Variants in ADAMTS17 observed in about 807,000 individuals in gnomAD.
ADAMTS17 encodes A disintegrin and metalloproteinase with thrombospondin motifs 17.
ADAMTS17 carries 113 observed loss-of-function variants against 141.5 expected under a neutral mutation model. The ratio of observed to expected loss-of-function variants is 0.80; its 90% CI spans 0.69 to 0.93. The LOEUF is 0.93. Ranked by LOEUF, ADAMTS17 falls within the 40% of genes least tolerant of loss-of-function variation. The pLI is 0.00. For synonymous variants in ADAMTS17, 768 were observed against 630.6 expected (o/e 1.22, Z -3.27); for missense variants, 1,659 against 1,517.9 (o/e 1.09, Z -1.54).
At chr15:100,033,403 A>C (rs1267783899) in intron 18 of ADAMTS17, among the ~76,000 whole-genome samples, 4 of 152,214 alleles carry the variant, frequency 2.6e-5, no homozygotes, top group African/African-American at 9.6e-5. Context: ...TTTTCCCAGT[A>C]CACAGGGATT....
chr15:100,019,592 G>A (rs1030720852), intron 18 of ADAMTS17, among the ~76,000 whole-genome samples: 12 of 152,182 alleles, frequency 7.9e-5, no homozygotes, highest in African/African-American at 2.9e-4. Flanking sequence ...CCACACCTGC[G>A]CTCCAGCCCA....
At chr15:100,046,016 G>A (rs923260976) in intron 18 of ADAMTS17, among the ~76,000 whole-genome samples, 5 of 152,130 alleles carry the variant, frequency 3.3e-5, no homozygotes, top group African/African-American at 1.2e-4. Context: ...GAGTAGCTGA[G>A]ACTACAGGCA....
intron 15 of ADAMTS17, among the ~76,000 whole-genome samples, chr15:100,073,654 A>G (rs2034150685): frequency 6.6e-6 from 1 of 151,470 alleles, no homozygotes; most frequent in South Asian, 2.1e-4. Context: ...TCAACAAACT[A>G]TCACAAGGAC....
At chr15:100,101,272 T>TTTTCC (rs112041886) in intron 14 of ADAMTS17, among the ~76,000 whole-genome samples, 59,406 of 151,038 alleles carry the variant, frequency 0.39, 14,358 homozygotes, top group African/African-American at 0.69. Context: ...TATGGCACCA[T>TTTTCC]TTTCTTCTTC....
At position 100,258,757 on chromosome 15, in the gene ADAMTS17, G is replaced by C. The variant is rs560027866; in HGVS notation, c.1031+2722C>G. ...TGTTTTACAGTAGCCATTGTAAAAAGTTTGAGGTATAGAAAAGAAGATTTT... is the reference window on the plus strand; with the variant it reads ...TGTTTTACAGTAGCCATTGTAAAAACTTTGAGGTATAGAAAAGAAGATTTT... On this transcript the variant is annotated intron_variant, in intron 6 of 21. Transcript: ENST00000268070. 2.9e-3 allele frequency among the ~76,000 whole-genome samples: 438 copies of C among 152,328 alleles called. 2 individuals carry two copies. The highest frequency in any genetic ancestry group is 9.7e-3 in the African/African-American group (402 of 41,572).
chr15:100,253,282 G>C (rs1336037399), intron 7 of ADAMTS17, among the ~76,000 whole-genome samples: 2 of 146,418 alleles, frequency 1.4e-5, no homozygotes, highest in South Asian at 2.3e-4. Flanking sequence ...AAATCCATGA[G>C]AACTCAAGAG....
At chr15:100,286,638 C>CCTAA (rs1418278215) in intron 3 of ADAMTS17, among the ~76,000 whole-genome samples, 1 of 151,854 alleles carries the variant, frequency 6.6e-6, no homozygotes, top group Non-Finnish European at 1.5e-5. Context: ...CAATCAAATG[C>CCTAA]CTAAGGGCAT....
chr15:100,102,257 AG>A (rs1336506120), intron 14 of ADAMTS17, among the ~76,000 whole-genome samples: 1 of 152,182 alleles, frequency 6.6e-6, no homozygotes, highest in Non-Finnish European at 1.5e-5. Context: ...CTCGTATTTG[AG>A]AACAAGCAAC....
chr15:99,980,985 C>T (rs951088556), intron 20 of ADAMTS17, among the ~76,000 whole-genome samples: 4 of 152,204 alleles, frequency 2.6e-5, no homozygotes, highest in South Asian at 2.1e-4. Flanking sequence ...CACGGCAGCA[C>T]GGAACGTTCC....
At chr15:100,043,537 G>A (rs564667430) in intron 18 of ADAMTS17, among the ~76,000 whole-genome samples, 3 of 152,288 alleles carry the variant, frequency 2.0e-5, no homozygotes, top group South Asian at 4.1e-4. Flanking sequence ...TGGGCAAAAC[G>A]GGAGTAAGCA....
chr15:100,306,977 G>A (rs2045247878), intron 3 of ADAMTS17, among the ~76,000 whole-genome samples: 1 of 152,168 alleles, frequency 6.6e-6, no homozygotes, highest in Non-Finnish European at 1.5e-5. Context: ...GCTGAGAGAG[G>A]ACCATGGCAG....
At chr15:100,326,099 G>T (rs1235179859) in intron 3 of ADAMTS17, among the ~76,000 whole-genome samples, 2 of 152,212 alleles carry the variant, frequency 1.3e-5, no homozygotes, top group Non-Finnish European at 2.9e-5. Flanking sequence ...TGGGGTTACA[G>T]CAAAGGGAAC....
chr15:100,200,014 G>A (rs2141639875), intron 7 of ADAMTS17, among the ~76,000 whole-genome samples: 1 of 152,242 alleles, frequency 6.6e-6, no homozygotes, highest in East Asian at 1.9e-4. Flanking sequence ...TCTGAAAAAT[G>A]CTTCAGGAGC....
At chr15:100,124,495 T>C (rs12916667) in intron 12 of ADAMTS17, among the ~76,000 whole-genome samples, 86,217 of 152,122 alleles carry the variant, frequency 0.57, 24,715 homozygotes, top group Admixed American at 0.68. Flanking sequence ...AGTGAGGACA[T>C]GGGGCAAGTA....
chr15:100,293,505 C>T (rs552392099), intron 3 of ADAMTS17, among the ~76,000 whole-genome samples: 5 of 152,122 alleles, frequency 3.3e-5, no homozygotes, highest in East Asian at 1.9e-4. Context: ...TAGAAGTAAC[C>T]GTGGGAATGG....
At chr15:100,200,657 T>A (rs897107973) in intron 7 of ADAMTS17, among the ~76,000 whole-genome samples, 3 of 152,192 alleles carry the variant, frequency 2.0e-5, no homozygotes, top group African/African-American at 7.2e-5. Context: ...GGCTGTGCAG[T>A]CACATTGGGG....
intron 15 of ADAMTS17, among the ~76,000 whole-genome samples, chr15:100,066,103 ATTTTCT>A (rs1389720716): frequency 6.6e-6 from 1 of 152,062 alleles, no homozygotes; most frequent in African/African-American, 2.4e-5. Flanking sequence ...CATGTGCCAC[ATTTTCT>A]TTATCCAGTC....
intron 8 of ADAMTS17, among the ~76,000 whole-genome samples, chr15:100,180,680 C>A (rs1488608695): frequency 2.6e-5 from 4 of 151,926 alleles, no homozygotes; most frequent in Non-Finnish European, 4.4e-5. Flanking sequence ...TTTTTTGAGT[C>A]CCCTTCAATA....
chr15:100,065,067 T>C (rs1034105323), intron 15 of ADAMTS17, among the ~76,000 whole-genome samples: 9 of 152,200 alleles, frequency 5.9e-5, no homozygotes, highest in African/African-American at 2.2e-4. Flanking sequence ...TCATTCATTT[T>C]CTCACAATAA....
Sources: allele counts gnomAD v4.1 joint callset (sites outside exome capture counted in the v4.1 genomes callset), GRCh38; gene constraint gnomAD v4.1.1; transcripts MANE v1.5; gene names NCBI Gene and HGNC (gene_info 2026-07-23, HGNC 2026-07-21).